Variants in EXOC4 observed in about 807,000 individuals in gnomAD.
EXOC4 encodes the protein SEC8-like 1.
In EXOC4, 71 loss-of-function variants were observed where a neutral mutation model predicts 107.2. The ratio of observed to expected loss-of-function variants is 0.66; its 90% CI spans 0.55 to 0.81. The LOEUF (loss-of-function observed/expected upper bound fraction) is 0.81, where lower values mean the gene tolerates loss of function less well. Among genes scored for constraint, EXOC4 ranks in the 30% least tolerant of loss-of-function variants. The pLI, the probability that EXOC4 is intolerant of heterozygous loss-of-function variation, is 0.00. For missense variants in EXOC4, 1,108 were observed against 1,189.6 expected, an observed-to-expected ratio of 0.93 and a Z score of 1.01; for synonymous variants, 456 against 441.2, an observed-to-expected ratio of 1.03 and a Z score of -0.42.
chr7:133,394,852 A>G (rs1796935044), intron 7 of EXOC4, among the ~76,000 whole-genome samples: 1 of 152,124 alleles, frequency 6.6e-6, no homozygotes, highest in South Asian at 2.1e-4. Context: ...AGACACTACC[A>G]AAAGCGCCTG....
intron 11 of EXOC4, among the ~76,000 whole-genome samples, chr7:133,874,554 C>G (rs1798811371): frequency 6.6e-6 from 1 of 152,174 alleles, no homozygotes; most frequent in Admixed American, 6.5e-5. Context: ...TACTGGAAGC[C>G]AAGCTCCCTG....
intron 9 of EXOC4, among the ~76,000 whole-genome samples, chr7:133,570,926 T>C (rs1801010466): frequency 6.6e-6 from 1 of 152,206 alleles, no homozygotes; most frequent in Non-Finnish European, 1.5e-5. Flanking sequence ...TACTTAATAT[T>C]TGAAAATTGA....
rs142756437 is a variant in EXOC4, at chr7:133,741,393, G to A, written c.1515-75932G>A. ...TTATGTTTCAAGATATAGCTTAAAT[G>A]TAACCTAAAAAATATGAAACCTCCC... is the stretch of plus-strand genomic sequence containing the variant. On this transcript the variant is annotated intron_variant, in intron 10 of 17. Coordinates refer to ENST00000253861, the MANE Select transcript of EXOC4 (RefSeq NM_021807.4). Among the ~76,000 whole-genome samples the A allele has an allele frequency of 2.4e-3, 360 of 152,222 alleles. 5 individuals carry two copies. Among genetic ancestry groups the A allele is most frequent in the African/African-American group, 8.1e-3 (337 of 41,526 alleles).
chr7:133,859,980 C>T (rs1478448503), intron 11 of EXOC4, among the ~76,000 whole-genome samples: 1 of 152,166 alleles, frequency 6.6e-6, no homozygotes, highest in East Asian at 1.9e-4. Context: ...TAGAAAACTC[C>T]AACCCGTAGA....
chr7:133,658,606 A>T (rs571406639), intron 10 of EXOC4, among the ~76,000 whole-genome samples: 2 of 149,356 alleles, frequency 1.3e-5, no homozygotes, highest in African/African-American at 4.8e-5. Flanking sequence ...GTAACGCTGC[A>T]GTTTACAGTC....
chr7:133,755,821 T>G (rs1056276546), intron 10 of EXOC4, among the ~76,000 whole-genome samples: 1 of 152,180 alleles, frequency 6.6e-6, no homozygotes, highest in African/African-American at 2.4e-5. Flanking sequence ...TTCCTGTTTT[T>G]AATTTCTTCG....
intron 7 of EXOC4, among the ~76,000 whole-genome samples, chr7:133,468,277 C>T (rs1236622860): frequency 6.6e-6 from 1 of 152,132 alleles, no homozygotes; most frequent in African/African-American, 2.4e-5. Context: ...CTGCCATTGA[C>T]AATGAGTATA....
At chr7:133,523,896 A>T (rs1291321625) in intron 9 of EXOC4, among the ~76,000 whole-genome samples, 2 of 152,072 alleles carry the variant, frequency 1.3e-5, no homozygotes, top group African/African-American at 4.8e-5. Context: ...TAGTGCCGCA[A>T]TAAACATACG....
chr7:133,711,188 A>G (rs1184522151), intron 10 of EXOC4, among the ~76,000 whole-genome samples: 2 of 152,222 alleles, frequency 1.3e-5, no homozygotes, highest in South Asian at 2.1e-4. Flanking sequence ...ACCCTACATC[A>G]TCGCTGTCAT....
chr7:133,338,541 C>T (rs1356234811), intron 5 of EXOC4, among the ~76,000 whole-genome samples: 8 of 130,780 alleles, frequency 6.1e-5, no homozygotes, highest in South Asian at 2.3e-4. Flanking sequence ...TGCAGTGAGC[C>T]GAGATTGCGC....
At chr7:133,270,364 C>T (rs1282246275) in intron 1 of EXOC4, among the ~76,000 whole-genome samples, 1 of 152,150 alleles carries the variant, frequency 6.6e-6, no homozygotes, top group African/African-American at 2.4e-5. Context: ...GTGTAAGCCA[C>T]TTAGATTAAT....
chr7:134,000,707 A>G (rs1794511412), intron 15 of EXOC4, among the ~76,000 whole-genome samples: 1 of 152,174 alleles, frequency 6.6e-6, no homozygotes, highest in Non-Finnish European at 1.5e-5. Context: ...CCTGCTGTAA[A>G]AAAAGAATTA....
intron 10 of EXOC4, among the ~76,000 whole-genome samples, chr7:133,676,380 A>G (rs568767198): frequency 3.9e-5 from 6 of 152,110 alleles, no homozygotes; most frequent in East Asian, 3.9e-4. Flanking sequence ...GAGTATGCCT[A>G]TTTTGAAGAG....
At chr7:133,439,253 C>T (rs1171118224) in intron 7 of EXOC4, among the ~76,000 whole-genome samples, 11 of 139,122 alleles carry the variant, frequency 7.9e-5, no homozygotes, top group African/African-American at 2.4e-4. Flanking sequence ...GGGGCGATCT[C>T]GGCTTACTGC....
At chr7:133,568,013 A>AT (rs1297498623) in intron 9 of EXOC4, among the ~76,000 whole-genome samples, 2 of 152,208 alleles carry the variant, frequency 1.3e-5, no homozygotes, top group Non-Finnish European at 2.9e-5. Context: ...TTACCAAGTA[A>AT]TGTTCTTCAT....
chr7:133,533,927 A>G (rs1320660501), intron 9 of EXOC4, among the ~76,000 whole-genome samples: 1 of 152,132 alleles, frequency 6.6e-6, no homozygotes, highest in African/African-American at 2.4e-5. Context: ...AAGGGAAGGA[A>G]GATGAGGTAA....
intron 9 of EXOC4, among the ~76,000 whole-genome samples, chr7:133,481,963 G>A (rs2150862385): frequency 6.6e-6 from 1 of 152,306 alleles, no homozygotes; most frequent in Non-Finnish European, 1.5e-5. Context: ...AGGTAGGATT[G>A]TGCTCGAACT....
chr7:133,685,827 T>A (rs1794286202), intron 10 of EXOC4, among the ~76,000 whole-genome samples: 2 of 152,122 alleles, frequency 1.3e-5, no homozygotes, highest in Non-Finnish European at 2.9e-5. Flanking sequence ...AGTATAGTGA[T>A]CACCCAAATA....
intron 10 of EXOC4, among the ~76,000 whole-genome samples, chr7:133,677,179 A>G (rs1794082048): frequency 6.6e-6 from 1 of 152,094 alleles, no homozygotes; most frequent in Non-Finnish European, 1.5e-5. Context: ...TAATGTTTTG[A>G]GTTTTAGGAA....
Sources: allele counts gnomAD v4.1 joint callset (sites outside exome capture counted in the v4.1 genomes callset), GRCh38; gene constraint gnomAD v4.1.1; transcripts MANE v1.5; gene names NCBI Gene and HGNC (gene_info 2026-07-23, HGNC 2026-07-21).